Variants in CTNND2 observed in about 807,000 individuals in gnomAD.
CTNND2 encodes the protein catenin delta-2.
A neutral mutation model predicts 144.4 loss-of-function variants in CTNND2; 22 were observed. The observed-to-expected ratio is 0.15, with a 90% CI of 0.11 to 0.22. The LOEUF (loss-of-function observed/expected upper bound fraction) is 0.22, where lower values mean the gene tolerates loss of function less well. Among genes scored for constraint, CTNND2 ranks in the 10% least tolerant of loss-of-function variants. CTNND2 has a pLI of 1.00. For missense variants in CTNND2, 1,353 were observed against 1,618.8 expected (o/e 0.84, Z 2.82); for synonymous variants, 751 against 695.6 (o/e 1.08, Z -1.25).
At chr5:11,238,586 A>G (rs1741883272) in intron 9 of CTNND2, among the ~76,000 whole-genome samples, 1 of 152,230 alleles carries the variant, frequency 6.6e-6, no homozygotes, top group Non-Finnish European at 1.5e-5. Flanking sequence ...TATGAAATAG[A>G]ATACCTCTTG....
intron 2 of CTNND2, among the ~76,000 whole-genome samples, chr5:11,682,719 C>T (rs997009963): frequency 6.6e-6 from 1 of 152,056 alleles, no homozygotes; most frequent in Non-Finnish European, 1.5e-5. Context: ...CAAAAATGTA[C>T]CCAGAACTGT....
At chr5:11,598,412 C>T (rs1779625637) in intron 2 of CTNND2, among the ~76,000 whole-genome samples, 2 of 152,236 alleles carry the variant, frequency 1.3e-5, no homozygotes, top group Admixed American at 6.5e-5. Flanking sequence ...GGGGGGTCTC[C>T]TACCCAGTAA....
chr5:11,199,472 G>C lies in CTNND2; in HGVS notation c.1951C>G (p.Leu651Val). Residue 651 changes from leucine to valine, a missense_variant, in exon 11 of 22, where the codon CTG (leucine) becomes GTG (valine). Physicochemically the swap from Leu to Val is conservative, Grantham distance 32. This residue lies in a region of CTNND2 where 117 missense variants were observed against 117.8 expected (regional missense o/e 0.99). Coordinates refer to ENST00000304623, the MANE Select transcript of CTNND2 (RefSeq NM_001332.4). The part of the protein sequence containing the change: ...LVRLLRKTTD[L>V]EIRELVTGVL... The stretch of plus-strand genomic sequence containing the variant: ...CCTGTGACCAGCTCCCGGATCTCCA[G>C]GTCAGTCGTCTTGCGGAGTAACCTC... The C allele has an allele frequency of 6.2e-7, 1 of 1,614,158 alleles. No homozygotes were observed.
intron 1 of CTNND2, among the ~76,000 whole-genome samples, chr5:11,772,274 G>A (rs562247968): frequency 2.3e-4 from 35 of 151,798 alleles, no homozygotes; most frequent in South Asian, 1.0e-3. Flanking sequence ...TTCTAAAGTC[G>A]TATTTTTACA....
intron 3 of CTNND2, among the ~76,000 whole-genome samples, chr5:11,501,915 C>A (rs1336077460): frequency 6.6e-6 from 1 of 151,170 alleles, no homozygotes; most frequent in East Asian, 2.0e-4. Context: ...GTAGTCCCAG[C>A]TACTCGGGAG....
chr5:11,037,122 A>C lies in CTNND2; in HGVS notation c.2789-14143T>G, dbSNP rs138835515. ...TAGCCTTTTCAGTTGGTGGTAATCC[A>C]AACACACATTGGATGGAATAAATTA... On this transcript the variant is annotated intron_variant, in intron 16 of 21. Coordinates refer to ENST00000304623, the MANE Select transcript of CTNND2 (RefSeq NM_001332.4). Among the ~76,000 whole-genome samples, 501 of 152,352 alleles carry C rather than the reference A, an allele frequency of 3.3e-3. 3 individuals are homozygous for C. The highest frequency in any genetic ancestry group is 0.014 in the South Asian group (67 of 4,824).
chr5:11,133,252 T>C (rs1755789449), intron 12 of CTNND2, among the ~76,000 whole-genome samples: 1 of 152,220 alleles, frequency 6.6e-6, no homozygotes, highest in South Asian at 2.1e-4. Context: ...AGGGAAATAT[T>C]AGCACAGTCT....
At chr5:11,390,994 G>T (rs1436248448) in intron 6 of CTNND2, among the ~76,000 whole-genome samples, 1 of 152,162 alleles carries the variant, frequency 6.6e-6, no homozygotes, top group African/African-American at 2.4e-5. Context: ...CAGGGCCAGG[G>T]CCACAGAGGA....
intron 12 of CTNND2, among the ~76,000 whole-genome samples, chr5:11,128,799 A>ATGT (rs1554049757): frequency 2.6e-4 from 15 of 58,188 alleles, no homozygotes; most frequent in Non-Finnish European, 3.9e-4. Context: ...TATATATTAT[A>ATGT]TATATACAAT....
chr5:10,997,302 A>G (rs1467951564), intron 18 of CTNND2, among the ~76,000 whole-genome samples: 1 of 151,934 alleles, frequency 6.6e-6, no homozygotes, highest in Admixed American at 6.6e-5. Context: ...GATTAAAAAC[A>G]TTTTTTTTAG....
At chr5:11,366,327 T>C (rs976948761) in intron 7 of CTNND2, among the ~76,000 whole-genome samples, 1 of 152,206 alleles carries the variant, frequency 6.6e-6, no homozygotes, top group Admixed American at 6.5e-5. Context: ...GAGAACAGTA[T>C]TCCTGAATAA....
In CTNND2 at chr5:10,988,246, C is replaced by A; in HGVS notation, c.3212-4G>T. 6.2e-7 allele frequency: 1 copy of A among 1,614,120 alleles called. No homozygotes were observed. The highest frequency in any genetic ancestry group is 8.5e-7 in the Non-Finnish European group (1 of 1,179,990). ...CGAGGTGAAGCTGGGGCACTTGCTACATAAAGAAATCAAAAGGGGGATTTT... is the reference window on the plus strand; with the variant it reads ...CGAGGTGAAGCTGGGGCACTTGCTAAATAAAGAAATCAAAAGGGGGATTTT... On this transcript the variant is annotated splice_polypyrimidine_tract_variant and splice_region_variant and intron_variant, in intron 19 of 21. Transcript: ENST00000304623. The surrounding 1 kb of genome is among the most constrained non-coding windows in gnomAD (Gnocchi z 5.9).
intron 9 of CTNND2, among the ~76,000 whole-genome samples, chr5:11,238,520 G>A (rs26471): frequency 0.01 from 1,588 of 152,288 alleles, 19 homozygotes; most frequent in African/African-American, 0.036. Flanking sequence ...GTTGGTAGAG[G>A]TTGTCAAGTA....
intron 2 of CTNND2, among the ~76,000 whole-genome samples, chr5:11,594,408 A>G (rs1181820731): frequency 6.6e-6 from 1 of 152,136 alleles, no homozygotes; most frequent in Non-Finnish European, 1.5e-5. Context: ...TAAATCCTAG[A>G]TTTTTGAAAG....
At chr5:11,055,574 C>T (rs1248743846) in intron 16 of CTNND2, among the ~76,000 whole-genome samples, 1 of 152,214 alleles carries the variant, frequency 6.6e-6, no homozygotes, top group African/African-American at 2.4e-5. Context: ...GGTGAATAAA[C>T]CTTGTCTTTT....
At chr5:11,035,303 T>C (rs1370088539) in intron 16 of CTNND2, among the ~76,000 whole-genome samples, 2 of 152,126 alleles carry the variant, frequency 1.3e-5, no homozygotes, top group East Asian at 3.9e-4. Context: ...TAGGAGAGAA[T>C]CATTTTCTTG....
chr5:11,231,604 T>C (rs1741030908), intron 10 of CTNND2, among the ~76,000 whole-genome samples: 2 of 152,172 alleles, frequency 1.3e-5, no homozygotes, highest in Admixed American at 6.5e-5. Flanking sequence ...TTAGGTTATG[T>C]GGCAGAAGAA....
At chr5:11,648,551 A>G (rs1782479539) in intron 2 of CTNND2, among the ~76,000 whole-genome samples, 1 of 152,150 alleles carries the variant, frequency 6.6e-6, no homozygotes, top group Non-Finnish European at 1.5e-5. Flanking sequence ...ATTAATTTAT[A>G]TTTTTTAACA....
chr5:11,893,372 C>A (rs1254729481), intron 1 of CTNND2, among the ~76,000 whole-genome samples: 1 of 152,114 alleles, frequency 6.6e-6, no homozygotes, highest in Non-Finnish European at 1.5e-5. Context: ...GATTATCTAG[C>A]GCTGGAGGTA....
Sources: gnomAD v4.1 joint callset for allele counts (sites outside exome capture counted in the v4.1 genomes callset) on GRCh38, gnomAD v4.1.1 for gene constraint, gnomAD v4.1.1 regional missense constraint, Gnocchi (gnomAD v3.1) non-coding constraint, MANE v1.5 for transcripts, NCBI Gene and HGNC (gene_info 2026-07-23, HGNC 2026-07-21) for gene names.